The following CNTNAP3 variants were observed in gnomAD, a reference collection of about 807,000 sequenced individuals.
CNTNAP3 encodes contactin associated protein family member 3.
CNTNAP3 carries 36 observed loss-of-function variants against 92.1 expected under a neutral mutation model. The observed-to-expected ratio is 0.39, with a 90% CI of 0.30 to 0.52. The LOEUF (loss-of-function observed/expected upper bound fraction) is 0.52, where lower values mean the gene tolerates loss of function less well. Ranked by LOEUF, CNTNAP3 falls within the 20% of genes least tolerant of loss-of-function variation. The pLI is 0.76. For missense variants in CNTNAP3, 534 were observed against 1,069.6 expected, an observed-to-expected ratio of 0.50 and a Z score of 6.98; for synonymous variants, 232 against 422.3, an observed-to-expected ratio of 0.55 and a Z score of 5.53.
chr9:39,065,758 C>T lies in CNTNAP3; in HGVS notation c.*8132G>A, dbSNP rs878865933. ...TTTTGTGTGCTTTTTGTCCACTGGC[C>T]TAGCACTTTTCGTCATTTTTTCTTA... On this transcript the variant is annotated 3_prime_UTR_variant, in exon 24 of 24. Transcript: ENST00000297668. 7.1e-6 allele frequency among the ~76,000 whole-genome samples: 1 copy of T among 140,926 alleles called. No homozygotes were observed. Among genetic ancestry groups the T allele is most frequent in the African/African-American group, 2.6e-5 (1 of 39,044 alleles). 92.5% of individuals were successfully genotyped at this position (140,926 alleles called of 152,430 possible).
At chr9:39,080,874 C>T (rs1435077597) in intron 21 of CNTNAP3, among the ~76,000 whole-genome samples, 2 of 138,496 alleles carry the variant, frequency 1.4e-5, no homozygotes, top group Non-Finnish European at 3.1e-5. Context: ...ACCATTTTGG[C>T]CAGGACGGTC....
chr9:39,082,608 C>G (rs1173292053), intron 21 of CNTNAP3, among the ~76,000 whole-genome samples: 4 of 152,300 alleles, frequency 2.6e-5, no homozygotes, highest in Admixed American at 2.6e-4. Context: ...GTGCAAGATG[C>G]TGACAGCACT....
Position 39,152,250 on chromosome 9 carries a change from T to A in CNTNAP3, c.1478-2273A>T, listed in dbSNP as rs757027782. Reference sequence around the variant, plus strand: ...CTATTTTAATAACTGAAGCTTTATCTCTTTAACTTTAATATTTTCTGCTTT... The same window carrying A: ...CTATTTTAATAACTGAAGCTTTATCACTTTAACTTTAATATTTTCTGCTTT... On this transcript the variant is annotated intron_variant, in intron 9 of 23. Transcript: ENST00000297668. 1.5e-4 allele frequency among the ~76,000 whole-genome samples: 19 copies of A among 130,218 alleles called. 2 individuals carry two copies. The highest frequency in any genetic ancestry group is 2.8e-4 in the Non-Finnish European group (17 of 61,118). The allele number at this position is 130,218 out of a possible 152,430, so 85.4% of individuals were successfully genotyped here.
rs1186795022 is a variant in CNTNAP3 at position 39,149,789 on chromosome 9, C to T, written c.1649+17G>A. The T allele has an allele frequency of 6.6e-7, 1 of 1,520,004 alleles. No individual in the cohort carries two copies. The highest frequency in any genetic ancestry group is 2.3e-5 in the East Asian group (1 of 43,968). The allele number at this position is 1,520,004 out of a possible 1,614,324, so 94.2% of individuals were successfully genotyped here. ...TTTGAAAACAGGCAAGCTAAAGTGA[C>T]CTAGGATGGCCCTTACCTGTCTGTG... On this transcript the variant is annotated intron_variant, in intron 10 of 23. Coordinates refer to ENST00000297668, the MANE Select transcript of CNTNAP3 (RefSeq NM_033655.5).
chr9:39,085,029 T>A (rs1826034491), intron 21 of CNTNAP3: 1 of 142,382 alleles, frequency 7.0e-6, no homozygotes, highest in South Asian at 2.2e-4. Flanking sequence ...TTATTCAACT[T>A]TTTGATCCTA....
intron 16 of CNTNAP3, 72 bp downstream of exon 16, chr9:39,103,672 C>T (rs1423669301): frequency 6.4e-5 from 92 of 1,439,656 alleles, no homozygotes; most frequent in Non-Finnish European, 8.1e-5. Context: ...GAAATACTAA[C>T]ATTTTGTTGA....
At chr9:39,081,436 C>A (rs1280188235) in intron 21 of CNTNAP3, among the ~76,000 whole-genome samples, 3 of 151,020 alleles carry the variant, frequency 2.0e-5, no homozygotes, top group Admixed American at 2.0e-4. Flanking sequence ...CAGCCCCCTT[C>A]CAATTCTCTA....
intron 15 of CNTNAP3, among the ~76,000 whole-genome samples, chr9:39,105,773 C>T (rs978029229): frequency 2.0e-5 from 3 of 151,794 alleles, no homozygotes; most frequent in African/African-American, 4.8e-5. Context: ...GTTTAGAAGC[C>T]GAGATCTGCA....
intron 21 of CNTNAP3, among the ~76,000 whole-genome samples, chr9:39,084,348 A>G (rs1365782574): frequency 1.3e-5 from 2 of 151,668 alleles, no homozygotes; most frequent in African/African-American, 4.8e-5. Flanking sequence ...GCCCGCCACC[A>G]TGCCCGGCTA....
intron 11 of CNTNAP3, among the ~76,000 whole-genome samples, chr9:39,143,628 G>A (rs1259190414): frequency 6.6e-5 from 10 of 152,164 alleles, no homozygotes; most frequent in Non-Finnish European, 1.3e-4. Flanking sequence ...GCTGACATAA[G>A]TACTCAATAC....
chr9:39,155,838 C>T lies in CNTNAP3; in HGVS notation c.1478-5861G>A, dbSNP rs188757491. Among the ~76,000 whole-genome samples, 896 of 143,406 alleles carry T rather than the reference C, an allele frequency of 6.2e-3. 37 individuals carry two copies. Among genetic ancestry groups the T allele is most frequent in the Middle Eastern group, 0.052 (15 of 288 alleles). 94.1% of individuals were successfully genotyped at this position (143,406 alleles called of 152,430 possible). ...GGATTTTATCCATCAAGCCTGTTTT[C>T]TTCAGGCCAGTATAAAACAAATGGA... is the stretch of plus-strand genomic sequence containing the variant. On this transcript the variant is annotated intron_variant, in intron 9 of 23. Coordinates refer to ENST00000297668, the MANE Select transcript of CNTNAP3 (RefSeq NM_033655.5).
chr9:39,178,922 AT>A (rs1822391179), intron 4 of CNTNAP3, among the ~76,000 whole-genome samples: 1 of 149,922 alleles, frequency 6.7e-6, no homozygotes. Context: ...GACATGTAAT[AT>A]TTTTCTCAAC....
chr9:39,093,623 T>A (rs1352537114), intron 18 of CNTNAP3, among the ~76,000 whole-genome samples: 1 of 151,496 alleles, frequency 6.6e-6, no homozygotes, highest in Admixed American at 6.6e-5. Flanking sequence ...ATATAATATC[T>A]GCCCTCTTGG....
rs1292331662 is a variant in CNTNAP3 at position 39,144,284 on chromosome 9, C to T, written c.1712G>A (p.Cys571Tyr). 8 of 1,581,480 alleles carry T rather than the reference C, an allele frequency of 5.1e-6. No homozygotes were observed. Among genetic ancestry groups the T allele is most frequent in the Non-Finnish European group, 6.9e-6 (8 of 1,163,908 alleles). The change falls in exon 11 of 24, where the codon TGT becomes TAT. Residue 571 changes from cysteine (C) to tyrosine (Y), a missense_variant. Transcript: ENST00000297668. ...ECSQSWDTFS[C>Y]DCLGTGYTGE... ...CGTATAGCCTGTGCCTAGACAGTCA[C>T]AGGAGAAGGTGTCCCACGACTGGGA... is the stretch of plus-strand genomic sequence containing the variant.
chr9:39,148,894 T>C (rs558499451), intron 10 of CNTNAP3, among the ~76,000 whole-genome samples: 2 of 152,334 alleles, frequency 1.3e-5, no homozygotes, highest in Admixed American at 1.3e-4. Context: ...CCAAATGTAC[T>C]AGGGCAAACT....
intron 13 of CNTNAP3, among the ~76,000 whole-genome samples, chr9:39,118,515 A>G (rs1820916949): frequency 6.6e-6 from 1 of 152,172 alleles, no homozygotes; most frequent in South Asian, 2.1e-4. Flanking sequence ...AGTCAGTTGC[A>G]TGTGATACAT....
In CNTNAP3 at chr9:39,072,793, T is replaced by C. The variant is rs906627164; in HGVS notation, c.*1097A>G. On this transcript the variant is annotated 3_prime_UTR_variant, in exon 24 of 24. Transcript: ENST00000297668. The stretch of plus-strand genomic sequence containing the variant: ...TCAGTTAAGCTATTTTTTTAATAAA[T>C]TGAAAAGATGTTCTGTACAACATAA... 1.2e-4 allele frequency: 19 copies of C among 152,286 alleles called. No homozygotes were observed. Among genetic ancestry groups the C allele is most frequent in the African/African-American group, 4.1e-4 (17 of 41,464 alleles). 9.4% of individuals were successfully genotyped at this position (152,286 alleles called of 1,614,324 possible). A position where few individuals can be genotyped will look rare whatever the true frequency, so the allele number is the denominator to read the frequency against.
intron 14 of CNTNAP3, among the ~76,000 whole-genome samples, chr9:39,115,500 C>T (rs959300275): frequency 9.3e-6 from 1 of 107,164 alleles, no homozygotes; most frequent in African/African-American, 3.9e-5. Context: ...CCCATACACA[C>T]CCCCACATTT....
chr9:39,136,130 A>AAATAATAATGATAATAAT (rs1821423977), intron 12 of CNTNAP3, among the ~76,000 whole-genome samples: 1 of 144,926 alleles, frequency 6.9e-6, no homozygotes, highest in South Asian at 2.2e-4. Flanking sequence ...CTCTGTCTCA[A>AAATAATAATGATAATAAT]AATAATAATA....
Sources: allele counts gnomAD v4.1 joint callset (sites outside exome capture counted in the v4.1 genomes callset), GRCh38; gene constraint gnomAD v4.1.1; transcripts MANE v1.5; gene names NCBI Gene and HGNC (gene_info 2026-07-23, HGNC 2026-07-21).